Variants in CDH18 observed in about 807,000 individuals in gnomAD.
The protein encoded by CDH18 is cadherin-18.
Under a neutral mutation model 67.9 loss-of-function variants are expected in CDH18, and 31 were observed. The observed-to-expected ratio is 0.46, with a 90% CI of 0.34 to 0.62. The LOEUF is 0.62. Among genes scored for constraint, CDH18 ranks in the 20% least tolerant of loss-of-function variants. The pLI is 0.01. For missense variants in CDH18, 890 were observed against 975.5 expected (o/e 0.91, Z 1.17); for synonymous variants, 362 against 347.2 (o/e 1.04, Z -0.48).
chr5:19,515,203 A>G (rs1745779920), intron 10 of CDH18, among the ~76,000 whole-genome samples: 2 of 152,114 alleles, frequency 1.3e-5, no homozygotes, highest in African/African-American at 2.4e-5. Flanking sequence ...CCATTGGTCT[A>G]TATCTCTGTT....
chr5:20,530,267 T>C (rs1261147024), intron 1 of CDH18, among the ~76,000 whole-genome samples: 1 of 151,886 alleles, frequency 6.6e-6, no homozygotes, highest in Non-Finnish European at 1.5e-5. Flanking sequence ...CATTCTATGC[T>C]AAAAGATAGG....
At chr5:19,673,821 T>C (rs1191844032) in intron 5 of CDH18, among the ~76,000 whole-genome samples, 1 of 152,124 alleles carries the variant, frequency 6.6e-6, no homozygotes, top group Admixed American at 6.6e-5. Context: ...GTCTCCTTTT[T>C]ACAGGGAAAA....
At chr5:19,908,314 T>C (rs898661763) in intron 2 of CDH18, among the ~76,000 whole-genome samples, 2 of 152,134 alleles carry the variant, frequency 1.3e-5, no homozygotes, top group Non-Finnish European at 2.9e-5. Flanking sequence ...CTTATTTATA[T>C]ACAGAAATGA....
At chr5:20,247,965 G>A (rs988997655) in intron 2 of CDH18, among the ~76,000 whole-genome samples, 3 of 152,088 alleles carry the variant, frequency 2.0e-5, no homozygotes, top group African/African-American at 7.2e-5. Flanking sequence ...GCTCAAACAA[G>A]ACTATACCGC....
intron 2 of CDH18, among the ~76,000 whole-genome samples, chr5:20,040,279 A>G (rs1033813880): frequency 2.0e-5 from 3 of 152,042 alleles, no homozygotes; most frequent in African/African-American, 7.2e-5. Context: ...GAACATAAAG[A>G]ATAATATTAA....
intron 2 of CDH18, among the ~76,000 whole-genome samples, chr5:19,846,261 T>C (rs993235041): frequency 6.6e-6 from 1 of 152,138 alleles, no homozygotes; most frequent in Non-Finnish European, 1.5e-5. Flanking sequence ...TAACAAATTA[T>C]ATTCAATTAA....
intron 1 of CDH18, among the ~76,000 whole-genome samples, chr5:20,301,768 G>A (rs1161721294): frequency 7.0e-6 from 1 of 142,238 alleles, no homozygotes; most frequent in Non-Finnish European, 1.5e-5. Flanking sequence ...ACCAGAAAAG[G>A]TAGTTTGCTC....
intron 2 of CDH18, among the ~76,000 whole-genome samples, chr5:19,900,444 C>T (rs115012658): frequency 1.7e-3 from 266 of 152,022 alleles, no homozygotes; most frequent in African/African-American, 6.2e-3. Context: ...TTAATGATTA[C>T]ACAATGTATA....
chr5:20,094,023 A>T (rs1360507536), intron 2 of CDH18, among the ~76,000 whole-genome samples: 1 of 152,162 alleles, frequency 6.6e-6, no homozygotes, highest in Non-Finnish European at 1.5e-5. Flanking sequence ...TGGTGCCAAG[A>T]AAACAAAAAT....
intron 2 of CDH18, among the ~76,000 whole-genome samples, chr5:19,937,391 G>A (rs1256128623): frequency 6.6e-6 from 1 of 151,318 alleles, no homozygotes; most frequent in Non-Finnish European, 1.5e-5. Flanking sequence ...TTTACATATG[G>A]CCCTGATGTG....
intron 2 of CDH18, among the ~76,000 whole-genome samples, chr5:20,061,622 T>C (rs1374640076): frequency 6.6e-6 from 1 of 152,202 alleles, no homozygotes; most frequent in African/African-American, 2.4e-5. Context: ...TTGCCTGTAT[T>C]ACTAAAATTG....
At chr5:20,222,547 T>A (rs752128596) in intron 2 of CDH18, among the ~76,000 whole-genome samples, 59 of 151,930 alleles carry the variant, frequency 3.9e-4, no homozygotes, top group Non-Finnish European at 1.8e-4. Context: ...AGATCTTTTT[T>A]TCTTTAGCTG....
intron 5 of CDH18, among the ~76,000 whole-genome samples, chr5:19,699,160 A>G (rs1255477660): frequency 1.3e-5 from 2 of 152,142 alleles, no homozygotes; most frequent in Non-Finnish European, 2.9e-5. Flanking sequence ...TATTCAATAC[A>G]CATACAAGCA....
At chr5:20,041,731 TTTC>T (rs1448292827) in intron 2 of CDH18, among the ~76,000 whole-genome samples, 1 of 152,192 alleles carries the variant, frequency 6.6e-6, no homozygotes, top group African/African-American at 2.4e-5. Context: ...ACAGCAAATA[TTTC>T]TTAACTGCTA....
intron 11 of CDH18, chr5:19,502,664 T>C: frequency 2.2e-6 from 1 of 457,766 alleles, no homozygotes; most frequent in Non-Finnish European, 3.8e-6. Flanking sequence ...CATTTTTTCC[T>C]AATTTGAATA....
At chr5:20,140,494 A>T (rs553978934) in intron 2 of CDH18, among the ~76,000 whole-genome samples, 1 of 152,094 alleles carries the variant, frequency 6.6e-6, no homozygotes, top group Admixed American at 6.6e-5. Flanking sequence ...TAAAAAAAGA[A>T]ATTCTTTAGG....
At chr5:19,890,891 T>A (rs1788720069) in intron 2 of CDH18, among the ~76,000 whole-genome samples, 1 of 152,158 alleles carries the variant, frequency 6.6e-6, no homozygotes, top group African/African-American at 2.4e-5. Context: ...ATAGATAGAT[T>A]TGCGTAGAAA....
At chr5:19,586,475 C>G (rs540575675) in intron 7 of CDH18, among the ~76,000 whole-genome samples, 1 of 152,118 alleles carries the variant, frequency 6.6e-6, no homozygotes, top group Non-Finnish European at 1.5e-5. Flanking sequence ...TTTCTGTTCC[C>G]GCATTAGTTT....
chr5:20,172,223 T>TATATATATAC lies in CDH18; in HGVS notation c.-518+83220_-518+83221insGTATATATAT, dbSNP rs1554098639. On this transcript the variant is annotated intron_variant, in intron 2 of 14. Coordinates refer to the CDH18 transcript ENST00000507958. ...ATATATATATATATATATATATATA[T>TATATATATAC]GTATATATATATATATGTATATATA... Among the ~76,000 whole-genome samples the TATATATATAC allele has an allele frequency of 7.0e-3, 305 of 43,790 alleles. 12 individuals are homozygous for TATATATATAC. Among genetic ancestry groups the TATATATATAC allele is most frequent in the Non-Finnish European group, 8.8e-3 (220 of 24,948 alleles). The allele number at this position is 43,790 out of a possible 152,430, so 28.7% of individuals were successfully genotyped here.
Sources: gnomAD v4.1 joint callset for allele counts (sites outside exome capture counted in the v4.1 genomes callset) on GRCh38, gnomAD v4.1.1 for gene constraint, MANE v1.5 for transcripts, NCBI Gene and HGNC (gene_info 2026-07-23, HGNC 2026-07-21) for gene names.